SLC24A2: variants seen among roughly 807,000 people sequenced by gnomAD.
SLC24A2 encodes the protein solute carrier family 24 member 2, also known as sodium/potassium/calcium exchanger 2.
A neutral mutation model predicts 62.0 loss-of-function variants in SLC24A2; 36 were observed. The observed-to-expected ratio is 0.58, with a 90% CI of 0.44 to 0.77. The LOEUF (loss-of-function observed/expected upper bound fraction) is 0.77, where lower values mean the gene tolerates loss of function less well. SLC24A2 is among the 30% of genes least tolerant of loss of function. The probability of loss-of-function intolerance (pLI) is 0.00; values close to 1 mark genes in which losing one functional copy is unlikely to be tolerated. For missense variants in SLC24A2, 846 were observed against 817.9 expected (o/e 1.03, Z -0.42); for synonymous variants, 358 against 294.0 (o/e 1.22, Z -2.23).
At chr9:19,986,772 G>A in the SLC24A2 span, among the ~76,000 whole-genome samples, 8 of 152,068 alleles carry the variant, frequency 5.3e-5, no homozygotes, top group South Asian at 8.3e-4. Flanking sequence ...GTAGTTGCCC[G>A]AGGCTGGGGG....
At chr9:19,837,218 C>T in the SLC24A2 span, among the ~76,000 whole-genome samples, 5 of 151,170 alleles carry the variant, frequency 3.3e-5, no homozygotes, top group East Asian at 1.9e-4. Flanking sequence ...TTTGGGAGGC[C>T]GAGGCGGGTG....
chr9:20,135,579 G>A, the SLC24A2 span, among the ~76,000 whole-genome samples: 41 of 152,210 alleles, frequency 2.7e-4, no homozygotes, highest in African/African-American at 8.9e-4. Context: ...CATACGTAGA[G>A]TTTATCACTG....
chr9:19,972,111 G>T, the SLC24A2 span, among the ~76,000 whole-genome samples: 402 of 152,112 alleles, frequency 2.6e-3, 2 homozygotes, highest in African/African-American at 9.1e-3. Flanking sequence ...GGTTGCTGAT[G>T]GTCCTAGTAC....
the SLC24A2 span, among the ~76,000 whole-genome samples, chr9:20,235,293 C>A: frequency 6.6e-6 from 1 of 152,238 alleles, no homozygotes; most frequent in African/African-American, 2.4e-5. Flanking sequence ...TTACTGCTGT[C>A]TTTTTGTTTG....
At chr9:20,226,679 A>G in the SLC24A2 span, among the ~76,000 whole-genome samples, 5 of 151,946 alleles carry the variant, frequency 3.3e-5, no homozygotes, top group African/African-American at 1.2e-4. Flanking sequence ...AAGACCTGAA[A>G]CAATACACAT....
chr9:19,534,123 T>C (rs1586907133), intron 8 of SLC24A2, among the ~76,000 whole-genome samples: 4 of 152,234 alleles, frequency 2.6e-5, no homozygotes, highest in African/African-American at 9.6e-5. Flanking sequence ...CGGTCCAGAG[T>C]TGAGAAGTGC....
chr9:20,158,341 G>C, the SLC24A2 span, among the ~76,000 whole-genome samples: 1 of 151,786 alleles, frequency 6.6e-6, no homozygotes, highest in African/African-American at 2.4e-5. Flanking sequence ...AAGTTTATGG[G>C]ATTAAGAAGC....
At chr9:19,961,155 G>C in the SLC24A2 span, among the ~76,000 whole-genome samples, 1 of 150,976 alleles carries the variant, frequency 6.6e-6, no homozygotes, top group Admixed American at 6.6e-5. Flanking sequence ...GAGAGAGAGA[G>C]AGAGAGAGAG....
the SLC24A2 span, among the ~76,000 whole-genome samples, chr9:20,287,524 A>T: frequency 6.6e-6 from 1 of 152,078 alleles, no homozygotes; most frequent in African/African-American, 2.4e-5. Context: ...CTCTAGAAAA[A>T]ATACCCAAAT....
chr9:19,913,136 C>A, the SLC24A2 span, among the ~76,000 whole-genome samples: 1 of 152,102 alleles, frequency 6.6e-6, no homozygotes, highest in Non-Finnish European at 1.5e-5. Flanking sequence ...CTTCCCAGGT[C>A]GTCTCATCTA....
intron 2 of SLC24A2, among the ~76,000 whole-genome samples, chr9:19,779,932 G>A (rs1409617540): frequency 6.6e-6 from 1 of 151,950 alleles, no homozygotes; most frequent in African/African-American, 2.4e-5. Flanking sequence ...ATGTCGTGGC[G>A]GGCGCCTGTA....
intron 2 of SLC24A2, among the ~76,000 whole-genome samples, chr9:19,761,467 T>TATTTTA (rs1822326371): frequency 6.7e-6 from 1 of 150,194 alleles, no homozygotes; most frequent in Non-Finnish European, 1.5e-5. Context: ...TTTTTTAATT[T>TATTTTA]TTTTATTTTA....
intron 2 of SLC24A2, among the ~76,000 whole-genome samples, chr9:19,654,216 C>G (rs958067070): frequency 6.6e-6 from 1 of 152,138 alleles, no homozygotes; most frequent in Non-Finnish European, 1.5e-5. Context: ...TTTGATATCC[C>G]GCTCTTCCAC....
At chr9:19,848,514 G>A in the SLC24A2 span, among the ~76,000 whole-genome samples, 1 of 152,124 alleles carries the variant, frequency 6.6e-6, no homozygotes, top group South Asian at 2.1e-4. Flanking sequence ...GATATGTATA[G>A]TATATGTAAA....
chr9:19,738,353 C>A (rs1179488356), intron 2 of SLC24A2, among the ~76,000 whole-genome samples: 1 of 151,992 alleles, frequency 6.6e-6, no homozygotes, highest in East Asian at 1.9e-4. Flanking sequence ...GGAGTGGGGG[C>A]TGGATGATGT....
chr9:19,926,781 T>C, the SLC24A2 span: 1 of 152,376 alleles, frequency 6.6e-6, no homozygotes, highest in Non-Finnish European at 1.5e-5. Context: ...CAGAGGACCA[T>C]GCTGTTGTGA....
the SLC24A2 span, among the ~76,000 whole-genome samples, chr9:20,131,375 T>A: frequency 1.3e-5 from 2 of 152,202 alleles, no homozygotes; most frequent in African/African-American, 4.8e-5. Context: ...GGACACAGAA[T>A]CCAAAGTAGA....
At position 19,747,570 on chromosome 9, in the gene SLC24A2, T is replaced by C. The variant is rs144815927; in HGVS notation, c.930+38367A>G. 9.0e-4 allele frequency among the ~76,000 whole-genome samples: 137 copies of C among 152,362 alleles called. 1 individual carries two copies. Among genetic ancestry groups the C allele is most frequent in the African/African-American group, 3.1e-3 (130 of 41,592 alleles). ...CAGCATTTAATAGAAGTTAGTCATA[T>C]ACATATTATTATCTGACATATCACT... On this transcript the variant is annotated intron_variant, in intron 2 of 10. Coordinates refer to ENST00000341998, the MANE Select transcript of SLC24A2 (RefSeq NM_020344.4).
chr9:19,930,970 C>T, the SLC24A2 span, among the ~76,000 whole-genome samples: 1 of 152,116 alleles, frequency 6.6e-6, no homozygotes, highest in African/African-American at 2.4e-5. Flanking sequence ...TTTGTGCTTC[C>T]ATATAGGATT....
Sources: allele counts gnomAD v4.1 joint callset (sites outside exome capture counted in the v4.1 genomes callset), GRCh38; gene constraint gnomAD v4.1.1; transcripts MANE v1.5; gene names NCBI Gene and HGNC (gene_info 2026-07-23, HGNC 2026-07-21).